N4BP1: variants seen among roughly 807,000 people sequenced by gnomAD.
The protein encoded by N4BP1 is NEDD4-binding protein 1.
A neutral mutation model predicts 70.9 loss-of-function variants in N4BP1; 21 were observed. That is an observed-to-expected ratio of 0.30 (90% CI 0.21 to 0.43). N4BP1 has a LOEUF of 0.43. Ranked by LOEUF, N4BP1 falls within the 20% of genes least tolerant of loss-of-function variation. N4BP1 has a pLI of 1.00. For synonymous variants in N4BP1, 387 were observed against 394.6 expected (o/e 0.98, Z 0.23); for missense variants, 936 against 1,069.4 (o/e 0.88, Z 1.74).
chr16:48,598,447 G>T (rs1964451630), intron 1 of N4BP1, among the ~76,000 whole-genome samples: 1 of 152,034 alleles, frequency 6.6e-6, no homozygotes, highest in South Asian at 2.1e-4. Flanking sequence ...TCATTGATAG[G>T]GGTGATACAA....
rs375990530 is a variant in N4BP1 at position 48,562,510 on chromosome 16, C to A, written c.199-66G>T. 21 of 1,278,880 alleles carry A rather than the reference C, an allele frequency of 1.6e-5. No homozygotes were observed. The African/African-American group carries it at 1.8e-4, about 11-fold the overall frequency. The allele number at this position is 1,278,880 out of a possible 1,614,324, so 79.2% of individuals were successfully genotyped here. ...TTCCTTATAGCACATAATAAATTAC[C>A]ATGTAACTACAAATGTCAGGCCGAT... On this transcript the variant is annotated intron_variant, in intron 1 of 6. Transcript: ENST00000262384.
chr16:48,590,583 C>T lies in N4BP1; in HGVS notation c.198+19192G>A, dbSNP rs139170841. The stretch of plus-strand genomic sequence containing the variant: ...CAATGGATCCAGAGGCCAGCCCAAG[C>T]GGCTGCCTAGTTCTCTTGGATTGGT... On this transcript the variant is annotated intron_variant, in intron 1 of 6. Coordinates refer to ENST00000262384, the MANE Select transcript of N4BP1 (RefSeq NM_153029.4). 1.4e-3 allele frequency among the ~76,000 whole-genome samples: 220 copies of T among 152,310 alleles called. 1 individual carries two copies. Among genetic ancestry groups the T allele is most frequent in the African/African-American group, 5.0e-3 (208 of 41,564 alleles).
intron 1 of N4BP1, among the ~76,000 whole-genome samples, chr16:48,575,207 G>A (rs550015610): frequency 2.6e-5 from 4 of 152,162 alleles, no homozygotes; most frequent in African/African-American, 7.2e-5. Flanking sequence ...AGTTTGAGAT[G>A]TTTGGCCACT....
In N4BP1 at chr16:48,601,029, G is replaced by A. The variant is rs188083377; in HGVS notation, c.198+8746C>T. ...AAATATTCCCTTTATTAATGTTATG[G>A]AAAGGGGGATACAACAAGGAACTAA... On this transcript the variant is annotated intron_variant, in intron 1 of 6. Transcript: ENST00000262384. Among the ~76,000 whole-genome samples the A allele has an allele frequency of 1.1e-3, 167 of 152,282 alleles. 2 individuals are homozygous for A. Among genetic ancestry groups the A allele is most frequent in the African/African-American group, 3.5e-3 (147 of 41,554 alleles).
At chr16:48,594,988 G>A (rs976586911) in intron 1 of N4BP1, among the ~76,000 whole-genome samples, 2 of 152,186 alleles carry the variant, frequency 1.3e-5, no homozygotes, top group South Asian at 4.2e-4. Flanking sequence ...GCTCCTGAAT[G>A]CAAGTTTCTA....
At position 48,577,825 on chromosome 16, in the gene N4BP1, C is replaced by T. The variant is rs371371176; in HGVS notation, c.199-15381G>A. On this transcript the variant is annotated intron_variant, in intron 1 of 6. Transcript: ENST00000262384. ...AGTGCCCCTGGGCGCAGGGATGAGGCGCACAAGCACAGAGCTGCAGTGGCC... is the reference window on the plus strand; with the variant it reads ...AGTGCCCCTGGGCGCAGGGATGAGGTGCACAAGCACAGAGCTGCAGTGGCC... 2.4e-3 allele frequency: 384 copies of T among 157,320 alleles called. 2 individuals are homozygous for T. Among genetic ancestry groups the T allele is most frequent in the African/African-American group, 8.8e-3 (366 of 41,612 alleles). The allele number at this position is 157,320 out of a possible 1,614,324, so 9.7% of individuals were successfully genotyped here. A position where few individuals can be genotyped will look rare whatever the true frequency, so the allele number is the denominator to read the frequency against.
rs768288811 is a variant in N4BP1 at position 48,542,946 on chromosome 16, G to A, written c.2649C>T (p.Tyr883=). Reference sequence around the variant, plus strand: ...CAGAAAGCGCATTTAGATCTTTCATGTATGGGTGGGCCACCAAGATCTGGT... The same window carrying A: ...CAGAAAGCGCATTTAGATCTTTCATATATGGGTGGGCCACCAAGATCTGGT... ...KIDQILVAHP[Y]MKDLNALSAM... is the part of the protein sequence containing the mutation. The change falls in exon 7 of 7, where the codon TAC becomes TAT. Residue 883 remains tyrosine, a synonymous_variant. Coordinates refer to ENST00000262384, the MANE Select transcript of N4BP1 (RefSeq NM_153029.4). 1.5e-5 allele frequency: 24 copies of A among 1,613,450 alleles called. No homozygotes were observed. Among genetic ancestry groups the A allele is most frequent in the East Asian group, 2.2e-5 (1 of 44,874 alleles).
At chr16:48,569,905 T>C (rs528484215) in intron 1 of N4BP1, among the ~76,000 whole-genome samples, 6 of 152,154 alleles carry the variant, frequency 3.9e-5, no homozygotes, top group Non-Finnish European at 7.3e-5. Context: ...GCCATCTACC[T>C]GGTGCTTTCT....
At chr16:48,609,660 A>T (rs1006145154) in intron 1 of N4BP1, 115 bp downstream of exon 1, 18 of 927,266 alleles carry the variant, frequency 1.9e-5, no homozygotes, top group Non-Finnish European at 1.4e-5. Context: ...GGCTCCCGAG[A>T]CTGCGTTCCC....
chr16:48,574,657 A>C (rs1232959783), intron 1 of N4BP1, among the ~76,000 whole-genome samples: 1 of 152,198 alleles, frequency 6.6e-6, no homozygotes, highest in African/African-American at 2.4e-5. Flanking sequence ...TAATCAACTT[A>C]AGTCAGTATT....
At chr16:48,551,888 C>T (rs1353230782) in intron 3 of N4BP1, among the ~76,000 whole-genome samples, 5 of 152,162 alleles carry the variant, frequency 3.3e-5, no homozygotes, top group South Asian at 2.1e-4. Flanking sequence ...TGTGGTGGCG[C>T]GTGCCTGTAA....
Position 48,560,903 on chromosome 16 carries a change from T to C in N4BP1, c.1740A>G (p.Ala580=). The C allele has an allele frequency of 1.2e-6, 2 of 1,614,052 alleles. No homozygotes were observed. Among genetic ancestry groups the C allele is most frequent in the Non-Finnish European group, 1.7e-6 (2 of 1,179,884 alleles). ...AGGAATCAATATGATCAGAAGGTCC[T>C]GCCGACCTTGCATCAGTAACCGAAG... The part of the protein sequence containing the change: ...LLPSVTDARS[A]GPSDHIDSSV... The change falls in exon 2 of 7, where the codon GCA becomes GCG. Residue 580 remains alanine (A), a synonymous_variant. Transcript: ENST00000262384.
intron 1 of N4BP1, among the ~76,000 whole-genome samples, chr16:48,570,836 T>C (rs1170725273): frequency 1.3e-5 from 2 of 152,184 alleles, no homozygotes; most frequent in South Asian, 2.1e-4. Context: ...TAAACTTTTT[T>C]TGAGATAAGA....
At chr16:48,605,915 C>T (rs569944258) in intron 1 of N4BP1, among the ~76,000 whole-genome samples, 1 of 152,318 alleles carries the variant, frequency 6.6e-6, no homozygotes, top group East Asian at 1.9e-4. Context: ...TGATTGCACA[C>T]AGCTTCTTCC....
At chr16:48,546,088 T>TAAGAATTGAA (rs764642080) in intron 6 of N4BP1, 59 bp downstream of exon 6, 2 of 1,182,852 alleles carry the variant, frequency 1.7e-6, no homozygotes. Flanking sequence ...GCACTTGCAC[T>TAAGAATTGAA]AAAGCACAAA....
chr16:48,546,065 G>A, intron 6 of N4BP1, 82 bp downstream of exon 6: 1 of 798,128 alleles, frequency 1.3e-6, no homozygotes, highest in Non-Finnish European at 2.0e-6. Context: ...GTCATTTTTA[G>A]TCTATAAAGA....
chr16:48,553,551 G>A lies in N4BP1; in HGVS notation c.2008C>T (p.Pro670Ser). 2 of 1,568,102 alleles carry A rather than the reference G, an allele frequency of 1.3e-6. No homozygotes were observed. Among genetic ancestry groups the A allele is most frequent in the South Asian group, 2.5e-5 (2 of 81,024 alleles). ...FVPQWRTRRD[P>S]NVTEQHFLTQ... ...CAGTTTGCCTCACCTGTGACATTAGGATCACGCCTTGTTCTCCACTGAGGG... is the reference window on the plus strand; with the variant it reads ...CAGTTTGCCTCACCTGTGACATTAGAATCACGCCTTGTTCTCCACTGAGGG... Residue 670 changes from proline to serine, a missense_variant, in exon 3 of 7, where the codon CCT (proline) becomes TCT (serine). Coordinates refer to ENST00000262384, the MANE Select transcript of N4BP1 (RefSeq NM_153029.4).
At chr16:48,559,790 C>G (rs578181137) in intron 2 of N4BP1, 1 of 152,334 alleles carries the variant, frequency 6.6e-6, no homozygotes, top group African/African-American at 2.4e-5. Flanking sequence ...GCTCTCTGAA[C>G]CTCTCCTGGT....
chr16:48,545,913 G>A (rs1963584504), intron 6 of N4BP1, among the ~76,000 whole-genome samples: 1 of 151,888 alleles, frequency 6.6e-6, no homozygotes, highest in South Asian at 2.1e-4. Flanking sequence ...TGTGGTCCCA[G>A]CTCCTCGGGA....
Sources: allele counts gnomAD v4.1 joint callset (sites outside exome capture counted in the v4.1 genomes callset), GRCh38; gene constraint gnomAD v4.1.1; transcripts MANE v1.5; gene names NCBI Gene and HGNC (gene_info 2026-07-23, HGNC 2026-07-21).